Variants in SORCS1 observed in about 807,000 individuals in gnomAD.
SORCS1 encodes the protein sortilin related VPS10 domain containing receptor 1, also known as VPS10 domain-containing receptor SorCS1.
SORCS1 carries 60 observed loss-of-function variants against 146.1 expected under a neutral mutation model. The observed-to-expected ratio is 0.41, with a 90% CI of 0.33 to 0.51. The LOEUF is 0.51. Ranked by LOEUF, SORCS1 falls within the 20% of genes least tolerant of loss-of-function variation. The probability of loss-of-function intolerance (pLI) is 0.21; values close to 1 mark genes in which losing one functional copy is unlikely to be tolerated. For synonymous variants in SORCS1, 637 were observed against 584.0 expected, an observed-to-expected ratio of 1.09 and a Z score of -1.31; for missense variants, 1,352 against 1,487.6, an observed-to-expected ratio of 0.91 and a Z score of 1.50.
intron 1 of SORCS1, among the ~76,000 whole-genome samples, chr10:107,157,548 A>T (rs1410436554): frequency 6.6e-6 from 1 of 152,228 alleles, no homozygotes; most frequent in African/African-American, 2.4e-5. Context: ...AAAGGGCTAT[A>T]ACTGATCTAA....
At chr10:106,664,405 G>A (rs1365426812) in intron 17 of SORCS1, among the ~76,000 whole-genome samples, 1 of 152,146 alleles carries the variant, frequency 6.6e-6, no homozygotes, top group Non-Finnish European at 1.5e-5. Flanking sequence ...CACTTTGGGA[G>A]GCTGAGGCAG....
chr10:106,797,009 A>G (rs1946599646), intron 3 of SORCS1, among the ~76,000 whole-genome samples: 1 of 152,172 alleles, frequency 6.6e-6, no homozygotes, highest in Non-Finnish European at 1.5e-5. Context: ...CGGGAGGCTG[A>G]GGCAGGAGAC....
chr10:107,156,938 T>C (rs1227847027), intron 1 of SORCS1, among the ~76,000 whole-genome samples: 1 of 152,184 alleles, frequency 6.6e-6, no homozygotes, highest in East Asian at 1.9e-4. Flanking sequence ...GGAACCTCAC[T>C]TCCAGAAGGT....
intron 1 of SORCS1, among the ~76,000 whole-genome samples, chr10:107,027,855 T>C (rs1958477245): frequency 6.6e-6 from 1 of 152,214 alleles, no homozygotes; most frequent in Non-Finnish European, 1.5e-5. Flanking sequence ...GTATCACAAT[T>C]ACTCGTTGGC....
At chr10:107,133,577 A>T (rs1358676067) in intron 1 of SORCS1, among the ~76,000 whole-genome samples, 3 of 152,188 alleles carry the variant, frequency 2.0e-5, no homozygotes, top group Non-Finnish European at 4.4e-5. Flanking sequence ...GAGTTCCAAC[A>T]TCAGGTACAG....
intron 2 of SORCS1, among the ~76,000 whole-genome samples, chr10:106,885,356 A>C (rs1950958194): frequency 6.6e-6 from 1 of 152,212 alleles, no homozygotes; most frequent in South Asian, 2.1e-4. Flanking sequence ...GCCTCAGATC[A>C]AATAGAACTG....
chr10:106,856,170 G>C (rs565190329), intron 2 of SORCS1, among the ~76,000 whole-genome samples: 1 of 152,148 alleles, frequency 6.6e-6, no homozygotes, highest in Admixed American at 6.5e-5. Context: ...GGGATTACAG[G>C]CATGCCTCAC....
At chr10:106,720,501 C>T (rs6584761) in intron 6 of SORCS1, among the ~76,000 whole-genome samples, 68,399 of 150,302 alleles carry the variant, frequency 0.46, 15,771 homozygotes, top group African/African-American at 0.54. Flanking sequence ...CCTAGCATCA[C>T]TGTCACTTGA....
chr10:106,634,235 G>A (rs999717715), intron 18 of SORCS1, among the ~76,000 whole-genome samples: 10 of 152,168 alleles, frequency 6.6e-5, no homozygotes, highest in Admixed American at 1.3e-4. Flanking sequence ...TGTCAACTCC[G>A]GCGGGGCTAG....
At chr10:106,900,137 T>C (rs1951647018) in intron 2 of SORCS1, among the ~76,000 whole-genome samples, 1 of 152,104 alleles carries the variant, frequency 6.6e-6, no homozygotes, top group Admixed American at 6.5e-5. Context: ...TGATTGCTCT[T>C]CCTATGAATT....
chr10:107,067,041 A>G (rs1184322260), intron 1 of SORCS1, among the ~76,000 whole-genome samples: 2 of 152,198 alleles, frequency 1.3e-5, no homozygotes, highest in Non-Finnish European at 2.9e-5. Context: ...GTAAAACCAC[A>G]GACAGTTTAT....
chr10:106,906,812 G>C (rs1165282343), intron 2 of SORCS1, among the ~76,000 whole-genome samples: 1 of 152,142 alleles, frequency 6.6e-6, no homozygotes, highest in East Asian at 1.9e-4. Context: ...GTTCTGCTTG[G>C]ATTCCAAAGC....
chr10:106,593,904 G>A (rs958250851), intron 24 of SORCS1, among the ~76,000 whole-genome samples: 2 of 152,142 alleles, frequency 1.3e-5, no homozygotes, highest in Non-Finnish European at 2.9e-5. Flanking sequence ...CTTCTTCCCA[G>A]GAGTCTTAGT....
chr10:106,801,518 A>G (rs958445736), intron 3 of SORCS1, among the ~76,000 whole-genome samples: 25 of 148,308 alleles, frequency 1.7e-4, no homozygotes, highest in African/African-American at 5.7e-4. Context: ...AACTATTAGT[A>G]TAGCCATTTT....
At chr10:106,980,546 T>C (rs1245096438) in intron 1 of SORCS1, among the ~76,000 whole-genome samples, 1 of 152,192 alleles carries the variant, frequency 6.6e-6, no homozygotes, top group African/African-American at 2.4e-5. Flanking sequence ...TTATTTCTAT[T>C]AGGTGACTGC....
intron 6 of SORCS1, among the ~76,000 whole-genome samples, chr10:106,726,278 G>A (rs1407904719): frequency 1.6e-5 from 1 of 61,672 alleles, no homozygotes; most frequent in Admixed American, 2.8e-4. Context: ...TTCCTGTTTT[G>A]TTTCGACAGG....
At chr10:106,968,307 T>C (rs1955607265) in intron 1 of SORCS1, among the ~76,000 whole-genome samples, 1 of 152,238 alleles carries the variant, frequency 6.6e-6, no homozygotes, top group South Asian at 2.1e-4. Flanking sequence ...AGAAATTCTC[T>C]TCCAACTTCC....
intron 18 of SORCS1, 100 bp from the exon 19 acceptor site, chr10:106,629,488 T>G (rs1848307450): frequency 1.6e-6 from 2 of 1,269,262 alleles, no homozygotes; most frequent in Non-Finnish European, 1.1e-6. Flanking sequence ...GGCTCAGGCA[T>G]GATGGCAGCC....
intron 2 of SORCS1, among the ~76,000 whole-genome samples, chr10:106,941,400 T>TA (rs77310893): frequency 1.2e-4 from 18 of 149,792 alleles, no homozygotes; most frequent in African/African-American, 2.7e-4. Context: ...CACAGAGACT[T>TA]AAAAAAAAAA....
Sources: allele counts gnomAD v4.1 joint callset (sites outside exome capture counted in the v4.1 genomes callset), GRCh38; gene constraint gnomAD v4.1.1; transcripts MANE v1.5; gene names NCBI Gene and HGNC (gene_info 2026-07-23, HGNC 2026-07-21).